SLC4A10: variants seen among roughly 807,000 people sequenced by gnomAD.
SLC4A10 encodes the protein sodium-driven chloride bicarbonate exchanger.
SLC4A10 carries 42 observed loss-of-function variants against 137.7 expected under a neutral mutation model. That is an observed-to-expected ratio of 0.30 (90% confidence interval 0.24 to 0.39). The LOEUF is 0.39. Ranked by LOEUF, SLC4A10 falls within the 10% of genes least tolerant of loss-of-function variation. The pLI, the probability that SLC4A10 is intolerant of heterozygous loss-of-function variation, is 1.00. For missense variants in SLC4A10, 925 were observed against 1,355.0 expected (o/e 0.68, Z 4.98); for synonymous variants, 474 against 464.1 (o/e 1.02, Z -0.27).
intron 15 of SLC4A10, among the ~76,000 whole-genome samples, chr2:161,934,323 C>A (rs1054642900): frequency 8.5e-5 from 13 of 152,092 alleles, no homozygotes; most frequent in Non-Finnish European, 5.9e-5. Context: ...CCCTCATTAC[C>A]CTTCCCAGCC....
chr2:161,925,221 CA>C (rs1688854275), intron 15 of SLC4A10, among the ~76,000 whole-genome samples: 1 of 152,170 alleles, frequency 6.6e-6, no homozygotes, highest in Non-Finnish European at 1.5e-5. Context: ...GTCACAATTT[CA>C]GAGCCTGTTA....
rs553926538 is a variant in SLC4A10, at chr2:161,920,116, A to G, written c.1997+14229A>G. Among the ~76,000 whole-genome samples the G allele has an allele frequency of 2.0e-5, 3 of 152,064 alleles. No homozygotes were observed. The East Asian group carries it at 5.8e-4, about 29-fold the overall frequency. On this transcript the variant is annotated intron_variant, in intron 15 of 26. Coordinates refer to ENST00000446997, the MANE Select transcript of SLC4A10 (RefSeq NM_001178015.2). ...ATGCTTGCTCACTTATGCACCCCTCACCTCTGTGCCTTTGGCAGGCCTGGG... is the reference window on the plus strand; with the variant it reads ...ATGCTTGCTCACTTATGCACCCCTCGCCTCTGTGCCTTTGGCAGGCCTGGG...
chr2:161,976,061 G>A (rs552695537), intron 24 of SLC4A10, among the ~76,000 whole-genome samples: 10 of 152,306 alleles, frequency 6.6e-5, no homozygotes, highest in African/African-American at 1.4e-4. Flanking sequence ...ATGGACATGC[G>A]GAACCCATTC....
intron 1 of SLC4A10, among the ~76,000 whole-genome samples, chr2:161,673,954 T>A (rs1426309431): frequency 6.6e-6 from 1 of 152,012 alleles, no homozygotes. Context: ...CACGCCACTG[T>A]CCTCCAGCCT....
intron 1 of SLC4A10, among the ~76,000 whole-genome samples, chr2:161,729,242 T>G (rs572934898): frequency 3.9e-5 from 6 of 152,006 alleles, no homozygotes; most frequent in Admixed American, 3.3e-4. Flanking sequence ...TGGAAAGAAA[T>G]AAATAAAACC....
chr2:161,913,377 T>C (rs1008857253), intron 15 of SLC4A10, among the ~76,000 whole-genome samples: 1 of 152,156 alleles, frequency 6.6e-6, no homozygotes, highest in Non-Finnish European at 1.5e-5. Flanking sequence ...ACTGGCTTTT[T>C]ATATCCTTAA....
chr2:161,849,645 TC>T (rs1341369168), intron 4 of SLC4A10, among the ~76,000 whole-genome samples: 1 of 152,206 alleles, frequency 6.6e-6, no homozygotes, highest in African/African-American at 2.4e-5. Flanking sequence ...CTTTTCTGCA[TC>T]TTCTGAGATG....
chr2:161,704,635 T>C lies in SLC4A10; in HGVS notation c.49-66338T>C, dbSNP rs545833335. On this transcript the variant is annotated intron_variant, in intron 1 of 26. Transcript: ENST00000446997. ...GACATTTTGTCTATTTCTTTTGTTG[T>C]ATGTTTTACATAGTTGAGGTTGTAC... 4.5e-4 allele frequency among the ~76,000 whole-genome samples: 68 copies of C among 151,804 alleles called. No homozygotes were observed. The South Asian group carries it at 0.011, about 25-fold the overall frequency.
intron 1 of SLC4A10, among the ~76,000 whole-genome samples, chr2:161,705,323 T>C (rs2125029485): frequency 1.3e-5 from 2 of 151,674 alleles, no homozygotes; most frequent in East Asian, 3.9e-4. Flanking sequence ...TTAACTTCCC[T>C]AGATTTTAGT....
chr2:161,672,471 A>T (rs1018337734), intron 1 of SLC4A10, among the ~76,000 whole-genome samples: 10 of 151,896 alleles, frequency 6.6e-5, no homozygotes, highest in Admixed American at 1.3e-4. Context: ...GGAGTTCAAG[A>T]CCAGCTTGGG....
intron 6 of SLC4A10, among the ~76,000 whole-genome samples, chr2:161,863,861 A>G (rs2060577176): frequency 6.6e-6 from 1 of 152,182 alleles, no homozygotes; most frequent in South Asian, 2.1e-4. Flanking sequence ...AAATGAAGTT[A>G]CCATGAAGAT....
At position 161,789,547 on chromosome 2, in the gene SLC4A10, A is replaced by C. The variant is rs1007089109; in HGVS notation, c.131-14902A>C. Among the ~76,000 whole-genome samples, 5 of 152,284 alleles carry C rather than the reference A, an allele frequency of 3.3e-5. No individual in the cohort carries two copies. In the East Asian group the frequency reaches 9.7e-4, roughly 29 times the overall value. ...AAAAAAAAGCTACATTAAAGTTATA[A>C]AAATAAAAGTAATTGCACTGTGATG... On this transcript the variant is annotated intron_variant, in intron 2 of 26. Coordinates refer to ENST00000446997, the MANE Select transcript of SLC4A10 (RefSeq NM_001178015.2).
rs181746625 is a variant in SLC4A10, at chr2:161,953,774, G to A, written c.2541+2926G>A. 4.7e-4 allele frequency among the ~76,000 whole-genome samples: 72 copies of A among 152,208 alleles called. No homozygotes were observed. In the East Asian group the frequency reaches 0.013, roughly 28 times the overall value. On this transcript the variant is annotated intron_variant, in intron 19 of 26. Coordinates refer to ENST00000446997, the MANE Select transcript of SLC4A10 (RefSeq NM_001178015.2). The stretch of plus-strand genomic sequence containing the variant: ...TCCTTTGGATGGCTCCAGAGTGAAA[G>A]AAGAGGCAAATACAAAAATTTGAGA...
intron 1 of SLC4A10, among the ~76,000 whole-genome samples, chr2:161,731,477 G>T (rs2046816494): frequency 6.6e-6 from 1 of 152,046 alleles, no homozygotes; most frequent in African/African-American, 2.4e-5. Context: ...TTACTTTTAG[G>T]GAGGAAGAAT....
rs111249801 is a variant in SLC4A10, at chr2:161,734,745, A to AT, written c.49-36220dup. On this transcript the variant is annotated intron_variant, in intron 1 of 26. Coordinates refer to ENST00000446997, the MANE Select transcript of SLC4A10 (RefSeq NM_001178015.2). ...TTCTCTTTATATACTCTGTATATAT[A>AT]TTTTTTTTCTGATATTTGGTAGTTT... Among the ~76,000 whole-genome samples, 5 of 151,684 alleles carry AT rather than the reference A, an allele frequency of 3.3e-5. 1 individual carries two copies. Among genetic ancestry groups the AT allele is most frequent in the South Asian group, 2.1e-4 (1 of 4,800 alleles).
At chr2:161,929,305 T>C (rs565342880) in intron 15 of SLC4A10, among the ~76,000 whole-genome samples, 1 of 152,346 alleles carries the variant, frequency 6.6e-6, no homozygotes, top group African/African-American at 2.4e-5. Context: ...ATTATTTGAA[T>C]TCATGACAAT....
intron 2 of SLC4A10, among the ~76,000 whole-genome samples, chr2:161,776,683 G>C (rs1027980806): frequency 6.6e-6 from 1 of 151,868 alleles, no homozygotes; most frequent in Non-Finnish European, 1.5e-5. Flanking sequence ...TTGAGATCTT[G>C]TTTGCAATTC....
At chr2:161,839,752 T>C (rs1263660535) in intron 3 of SLC4A10, 37 bp from the exon 4 acceptor site, 2 of 1,610,114 alleles carry the variant, frequency 1.2e-6, no homozygotes, top group East Asian at 2.2e-5. Context: ...GTCGTGGTAA[T>C]ACATGTTCAT....
chr2:161,869,603 A>G lies in SLC4A10; in HGVS notation c.767-2690A>G, dbSNP rs1013499517. The stretch of plus-strand genomic sequence containing the variant: ...ATCAAACTTGTTAGCTTAATTTTTA[A>G]ATAGTATCTATACATCGTTCTATAT... On this transcript the variant is annotated intron_variant, in intron 6 of 26. Transcript: ENST00000446997. 2.6e-5 allele frequency among the ~76,000 whole-genome samples: 4 copies of G among 151,722 alleles called. No homozygotes were observed. In the East Asian group the frequency reaches 7.7e-4, roughly 29 times the overall value.
Sources: gnomAD v4.1 joint callset for allele counts (sites outside exome capture counted in the v4.1 genomes callset) on GRCh38, gnomAD v4.1.1 for gene constraint, MANE v1.5 for transcripts, NCBI Gene and HGNC (gene_info 2026-07-23, HGNC 2026-07-21) for gene names.